The following ERGIC1 variants were observed in gnomAD, a reference collection of about 807,000 sequenced individuals.
ERGIC1 encodes the protein endoplasmic reticulum-Golgi intermediate compartment protein 1.
A neutral mutation model predicts 38.3 loss-of-function variants in ERGIC1; 19 were observed. The ratio of observed to expected loss-of-function variants is 0.50; its 90% CI spans 0.35 to 0.73. The LOEUF (loss-of-function observed/expected upper bound fraction) is 0.73, where lower values mean the gene tolerates loss of function less well. Ranked by LOEUF, ERGIC1 falls within the 30% of genes least tolerant of loss-of-function variation. ERGIC1 has a pLI of 0.01. For synonymous variants in ERGIC1, 124 were observed against 157.6 expected (o/e 0.79, Z 1.60); for missense variants, 294 against 389.2 (o/e 0.76, Z 2.06).
chr5:172,892,062 G>GTTTT (rs573472747), intron 2 of ERGIC1, among the ~76,000 whole-genome samples: 46 of 90,164 alleles, frequency 5.1e-4, no homozygotes, highest in Non-Finnish European at 6.9e-4. Flanking sequence ...TAAAGAGTAT[G>GTTTT]TTTTTTTTTT....
chr5:172,906,228 CTCCT>C (rs1215934201), intron 3 of ERGIC1: 1 of 454,014 alleles, frequency 2.2e-6, no homozygotes, highest in Non-Finnish European at 4.4e-6. Flanking sequence ...GACCAGGGCC[CTCCT>C]TCATTTTCTT....
chr5:172,888,282 A>G (rs1762470286), intron 1 of ERGIC1, among the ~76,000 whole-genome samples: 1 of 152,080 alleles, frequency 6.6e-6, no homozygotes, highest in Non-Finnish European at 1.5e-5. Flanking sequence ...CAACATGGCA[A>G]AACCCCGTCT....
chr5:172,855,573 C>G (rs1178117037), intron 1 of ERGIC1, among the ~76,000 whole-genome samples: 1 of 152,214 alleles, frequency 6.6e-6, no homozygotes, highest in Non-Finnish European at 1.5e-5. Flanking sequence ...GCGAGAATAT[C>G]CAGGGAACTC....
intron 5 of ERGIC1, chr5:172,920,233 C>G (rs989565445): frequency 1.4e-6 from 1 of 693,142 alleles, no homozygotes. Context: ...TGAGGAACCG[C>G]CCATCAAGAG....
rs577566535 is a variant in ERGIC1 at position 172,929,167 on chromosome 5, G to GTT, written c.541+2599_541+2600insTT. Among the ~76,000 whole-genome samples the GTT allele has an allele frequency of 3.5e-4, 53 of 151,806 alleles. 1 individual carries two copies. In the East Asian group the frequency reaches 9.5e-3, roughly 27 times the overall value. On this transcript the variant is annotated intron_variant, in intron 7 of 9. Transcript: ENST00000393784. ...CATATATATATATGTGTGTGTGTGT[G>GTT]TGTGTATATAAGTATACACACACAT... is the stretch of plus-strand genomic sequence containing the variant.
rs792967 is a variant in ERGIC1 at position 172,846,690 on chromosome 5, A to T, written c.20+12257A>T. Among the ~76,000 whole-genome samples the T allele has an allele frequency of 2.6e-5, 4 of 152,120 alleles. No homozygotes were observed. The East Asian group carries it at 5.8e-4, about 22-fold the overall frequency. ...ATAGGAAGGTTTCTCCTGGCGCAGG[A>T]AAGTGTTTTAAGAGGTGAGCATGAG... On this transcript the variant is annotated intron_variant, in intron 1 of 9. Transcript: ENST00000393784. The surrounding 1 kb of genome is among the most constrained non-coding windows in gnomAD (Gnocchi z 4.0).
In ERGIC1 at chr5:172,950,940, G is replaced by C. The variant is rs559536333; in HGVS notation, c.*124G>C. The C allele has an allele frequency of 1.5e-5, 11 of 748,922 alleles. No individual in the cohort carries two copies. In the East Asian group the frequency reaches 2.1e-4, roughly 15 times the overall value. The allele number at this position is 748,922 out of a possible 1,614,324, so 46.4% of individuals were successfully genotyped here. A position where few individuals can be genotyped will look rare whatever the true frequency, so the allele number is the denominator to read the frequency against. Reference sequence around the variant, plus strand: ...GTGTCCCAAAGGGTGTGTGGGAAGTGGGGGGAAAGTAGAGGATGGCTCGAT... The same window carrying C: ...GTGTCCCAAAGGGTGTGTGGGAAGTCGGGGGAAAGTAGAGGATGGCTCGAT... On this transcript the variant is annotated 3_prime_UTR_variant, in exon 10 of 10. Transcript: ENST00000393784.
intron 3 of ERGIC1, 148 bp from the exon 4 acceptor site, chr5:172,909,519 T>A: frequency 1.5e-6 from 1 of 683,706 alleles, no homozygotes. Flanking sequence ...GACCCGTGCC[T>A]GAGGGCACAG....
chr5:172,930,883 T>C, intron 7 of ERGIC1, among the ~76,000 whole-genome samples: 1 of 152,228 alleles, frequency 6.6e-6, no homozygotes, highest in East Asian at 1.9e-4. Flanking sequence ...TTCTGACATC[T>C]GAGAACCATT....
At chr5:172,918,658 GATGATGAGGA>G (rs1464661376) in intron 5 of ERGIC1, among the ~76,000 whole-genome samples, 1 of 152,244 alleles carries the variant, frequency 6.6e-6, no homozygotes, top group Non-Finnish European at 1.5e-5. Flanking sequence ...AGAAAACGCT[GATGATGAGGA>G]GAGAAGGGGC....
intron 7 of ERGIC1, among the ~76,000 whole-genome samples, chr5:172,929,434 C>A (rs1419605519): frequency 6.6e-6 from 1 of 152,074 alleles, no homozygotes; most frequent in Non-Finnish European, 1.5e-5. Context: ...CAGGTTGGAG[C>A]CAGCAGTCTC....
intron 1 of ERGIC1, among the ~76,000 whole-genome samples, chr5:172,862,935 T>C (rs756599412): frequency 6.6e-6 from 1 of 152,216 alleles, no homozygotes; most frequent in African/African-American, 2.4e-5. Flanking sequence ...ACAGAGCTAT[T>C]GCTGGTAGAC....
chr5:172,929,171 G>A lies in ERGIC1; in HGVS notation c.541+2602G>A, dbSNP rs117050349. Among the ~76,000 whole-genome samples, 284 of 151,586 alleles carry A rather than the reference G, an allele frequency of 1.9e-3. 5 individuals carry two copies. The East Asian group carries it at 0.04, about 22-fold the overall frequency. The stretch of plus-strand genomic sequence containing the variant: ...TATATATATGTGTGTGTGTGTGTGT[G>A]TATATAAGTATACACACACATACAT... On this transcript the variant is annotated intron_variant, in intron 7 of 9. Coordinates refer to ENST00000393784, the MANE Select transcript of ERGIC1 (RefSeq NM_001031711.3).
chr5:172,845,535 G>A (rs979214631), intron 1 of ERGIC1, among the ~76,000 whole-genome samples: 8 of 152,172 alleles, frequency 5.3e-5, no homozygotes, highest in African/African-American at 1.4e-4. Flanking sequence ...TGTGTGCCAG[G>A]TATCATTCTA....
chr5:172,900,649 G>T (rs2113330683), intron 3 of ERGIC1, among the ~76,000 whole-genome samples: 1 of 151,740 alleles, frequency 6.6e-6, no homozygotes, highest in Middle Eastern at 3.4e-3. Context: ...GATCCAGGCT[G>T]CAGTGAGCCA....
rs578190569 is a variant in ERGIC1 at position 172,869,086 on chromosome 5, G to A, written c.21-19613G>A. Among the ~76,000 whole-genome samples, 4 of 152,344 alleles carry A rather than the reference G, an allele frequency of 2.6e-5. No homozygotes were observed. The South Asian group carries it at 6.2e-4, about 24-fold the overall frequency. The stretch of plus-strand genomic sequence containing the variant: ...AATCCAGTTCAGGAGTGCACCTTGC[G>A]TGGGGAGCTGGAGGGAGGCAATGGT... On this transcript the variant is annotated intron_variant, in intron 1 of 9. Coordinates refer to ENST00000393784, the MANE Select transcript of ERGIC1 (RefSeq NM_001031711.3).
chr5:172,859,229 C>A (rs703735), intron 1 of ERGIC1, among the ~76,000 whole-genome samples: 2 of 151,916 alleles, frequency 1.3e-5, no homozygotes, highest in East Asian at 1.9e-4. Context: ...TGCTCTTGGC[C>A]GTGCTGGTTC....
chr5:172,875,077 C>A (rs1762111837), intron 1 of ERGIC1, among the ~76,000 whole-genome samples: 1 of 152,194 alleles, frequency 6.6e-6, no homozygotes, highest in Non-Finnish European at 1.5e-5. Flanking sequence ...TTCAAGTTCT[C>A]CAGCTGTTGA....
At chr5:172,885,423 C>T (rs1032942073) in intron 1 of ERGIC1, among the ~76,000 whole-genome samples, 6 of 152,088 alleles carry the variant, frequency 3.9e-5, no homozygotes, top group South Asian at 2.1e-4. Flanking sequence ...CAAGAGCCAT[C>T]GTGTACAGCA....
Sources: gnomAD v4.1 joint callset for allele counts (sites outside exome capture counted in the v4.1 genomes callset) on GRCh38, gnomAD v4.1.1 for gene constraint, Gnocchi (gnomAD v3.1) non-coding constraint, MANE v1.5 for transcripts, NCBI Gene and HGNC (gene_info 2026-07-23, HGNC 2026-07-21) for gene names.